The following SPEG variants were observed in gnomAD, a reference collection of about 807,000 sequenced individuals.
SPEG encodes striated muscle preferentially expressed protein kinase.
In SPEG, 114 loss-of-function variants were observed where a neutral mutation model predicts 300.4. That is an observed-to-expected ratio of 0.38 (90% CI 0.33 to 0.44). The LOEUF is 0.44. Among genes scored for constraint, SPEG ranks in the 20% least tolerant of loss-of-function variants. SPEG has a pLI of 1.00. For synonymous variants in SPEG, 1,964 were observed against 2,018.9 expected (o/e 0.97, Z 0.73); for missense variants, 4,201 against 4,586.2 (o/e 0.92, Z 2.43).
At position 219,456,546 on chromosome 2, in the gene SPEG, T is replaced by C. The variant is rs116050799; in HGVS notation, c.2440+4739T>C. ...CATCACTCACAGCCTGTCAGAAGAA[T>C]TGAGAGCTCATTTACTGTTGTTGCA... On this transcript the variant is annotated intron_variant, in intron 6 of 40. Coordinates refer to ENST00000312358, the MANE Select transcript of SPEG (RefSeq NM_005876.5). Among the ~76,000 whole-genome samples the C allele has an allele frequency of 4.0e-3, 602 of 152,338 alleles. 5 individuals are homozygous for C. Among genetic ancestry groups the C allele is most frequent in the African/African-American group, 0.013 (559 of 41,582 alleles).
In SPEG at chr2:219,478,122, TG is replaced by T; in HGVS notation, c.5027+22del. 1 of 1,609,264 alleles carries T rather than the reference TG, an allele frequency of 6.2e-7. No individual in the cohort carries two copies. Among genetic ancestry groups the T allele is most frequent in the Non-Finnish European group, 8.5e-7 (1 of 1,175,892 alleles). ...CACCGAGCTGTATCCTGGGACAGGC[TG>T]GGGGCTAGGGGGATCCATGCCTAAA... is the stretch of plus-strand genomic sequence containing the variant. On this transcript the variant is annotated intron_variant, in intron 22 of 40. Transcript: ENST00000312358.
At position 219,464,917 on chromosome 2, in the gene SPEG, AC is replaced by A. The variant is rs1254614661; in HGVS notation, c.2881+310del. On this transcript the variant is annotated intron_variant, in intron 9 of 40. Transcript: ENST00000312358. The surrounding 1 kb of genome is among the most constrained non-coding windows in gnomAD (Gnocchi z 4.5). Reference sequence around the variant, plus strand: ...CTGCCACTGGCCAAGCTCTCTCTACACTCTTCTGAGCCTTTGTCACCCTGCT... The same window carrying A: ...CTGCCACTGGCCAAGCTCTCTCTACATCTTCTGAGCCTTTGTCACCCTGCT... 6 of 343,664 alleles carry A rather than the reference AC, an allele frequency of 1.7e-5. No individual in the cohort carries two copies. The highest frequency in any genetic ancestry group is 3.2e-5 in the Non-Finnish European group (6 of 185,796). The allele number at this position is 343,664 out of a possible 1,614,324, so 21.3% of individuals were successfully genotyped here.
rs1689640015 is a variant in SPEG at position 219,450,217 on chromosome 2, C to T, written c.2114-919C>T. ...GGACACCATTATTGCAAACACACAA[C>T]TATGTGCCAGCATTGTGTTAACTAG... On this transcript the variant is annotated intron_variant, in intron 4 of 40. Transcript: ENST00000312358. 2.0e-5 allele frequency among the ~76,000 whole-genome samples: 3 copies of T among 152,242 alleles called. 1 individual carries two copies. In the South Asian group the frequency reaches 6.2e-4, roughly 31 times the overall value.
chr2:219,474,995 G>A (rs1692214950), intron 18 of SPEG, among the ~76,000 whole-genome samples: 1 of 152,060 alleles, frequency 6.6e-6, no homozygotes, highest in Non-Finnish European at 1.5e-5. Context: ...ATGTTGGCCA[G>A]GCTGGTCTGG....
At position 219,468,995 on chromosome 2, in the gene SPEG, C is replaced by T; in HGVS notation, c.3438C>T (p.His1146=). The stretch of plus-strand genomic sequence containing the variant: ...CTGTTAACACCCATGGCCAGGCCCA[C>T]TGCTCAGCCCAGCTGTATGTAGAAG... The part of the protein sequence containing the change: ...VSAVNTHGQA[H]CSAQLYVEEP... The change falls in exon 12 of 41, where the codon CAC becomes CAT. Residue 1146 remains histidine (H), a synonymous_variant. Transcript: ENST00000312358. 1.9e-6 allele frequency: 3 copies of T among 1,613,954 alleles called. No individual in the cohort carries two copies. The highest frequency in any genetic ancestry group is 2.2e-5 in the South Asian group (2 of 91,090).
chr2:219,435,348 C>T lies in SPEG; in HGVS notation c.371C>T (p.Thr124Ile), dbSNP rs539344492. 2.6e-6 allele frequency: 4 copies of T among 1,538,876 alleles called. No homozygotes were observed. The South Asian group carries it at 4.7e-5, about 18-fold the overall frequency. ...RGRASCEAVL[T>I]VLEVGDSETA... ...CGGGCCTCCTGCGAGGCGGTGCTCA[C>T]AGTGCTGGAGGTCGGAGGTAAAGGG... Residue 124 changes from threonine (T) to isoleucine (I), a missense_variant, in exon 1 of 41, where the codon ACA becomes ATA. Transcript: ENST00000312358.
Position 219,449,254 on chromosome 2 carries a change from C to A in SPEG, c.2096C>A (p.Pro699His). The change falls in exon 4 of 41, where the codon CCC (proline) becomes CAC (histidine). Residue 699 changes from proline (P) to histidine (H), a missense_variant. Physicochemically the swap from Pro to His is moderately conservative, Grantham distance 77 (BLOSUM62 -2). Transcript: ENST00000312358. ...CAGGGCAAAGGTCGCCGGGCCCGGC[C>A]CACCTCCCCTGAGCTCGGTAAGGCC... Reference protein sequence around the residue: ...RSQGKGRRARPTSPELESSDD... With the variant: ...RSQGKGRRARHTSPELESSDD... 1 of 1,390,874 alleles carries A rather than the reference C, an allele frequency of 7.2e-7. No homozygotes were observed. Among genetic ancestry groups the A allele is most frequent in the Non-Finnish European group, 9.3e-7 (1 of 1,073,764 alleles). 86.2% of individuals were successfully genotyped at this position (1,390,874 alleles called of 1,614,324 possible).
In SPEG at chr2:219,485,063, G is replaced by A; in HGVS notation, c.7600G>A (p.Gly2534Ser). 1 of 1,532,514 alleles carries A rather than the reference G, an allele frequency of 6.5e-7. No homozygotes were observed. Among genetic ancestry groups the A allele is most frequent in the Non-Finnish European group, 8.7e-7 (1 of 1,146,022 alleles). The allele number at this position is 1,532,514 out of a possible 1,614,324, so 94.9% of individuals were successfully genotyped here. Residue 2534 changes from glycine (G) to serine (S), a missense_variant, in exon 30 of 41, where the codon GGC becomes AGC. Physicochemically the swap from Gly to Ser is moderately conservative, Grantham distance 56. This residue lies in a region of SPEG where 1,578 missense variants were observed against 1,506.0 expected (regional missense o/e 1.05). Coordinates refer to ENST00000312358, the MANE Select transcript of SPEG (RefSeq NM_005876.5). Reference sequence around the variant, plus strand: ...GGGCTCCGAGGCCAGCGCCACGTCGGGCTCCTCAGGTGAGGAGGGGCAGGG... The same window carrying A: ...GGGCTCCGAGGCCAGCGCCACGTCGAGCTCCTCAGGTGAGGAGGGGCAGGG... ...SLGSEASATS[G>S]SSAPGESRSR...
intron 31 of SPEG, among the ~76,000 whole-genome samples, chr2:219,486,599 G>A (rs1052246708): frequency 6.6e-6 from 1 of 152,158 alleles, no homozygotes; most frequent in Non-Finnish European, 1.5e-5. Context: ...CCCACCTGGG[G>A]CCTCCCTCCC....
chr2:219,466,733 G>A (rs1691395774), intron 9 of SPEG: 2 of 1,004,284 alleles, frequency 2.0e-6, no homozygotes. Context: ...CAGGGCTGGG[G>A]TGCTCTGTCT....
intron 18 of SPEG, among the ~76,000 whole-genome samples, chr2:219,476,248 T>C (rs1327218275): frequency 1.3e-5 from 2 of 152,242 alleles, no homozygotes; most frequent in African/African-American, 4.8e-5. Context: ...TGTTTGTTCA[T>C]CTTGCCATCT....
intron 9 of SPEG, 138 bp from the exon 10 acceptor site, chr2:219,467,036 G>A: frequency 1.6e-6 from 2 of 1,219,056 alleles, no homozygotes; most frequent in Non-Finnish European, 2.2e-6. Context: ...CCAGGTGGGT[G>A]GGCTTTCCCC....
At chr2:219,491,178 G>C (rs1437836686) in intron 38 of SPEG, among the ~76,000 whole-genome samples, 1 of 152,242 alleles carries the variant, frequency 6.6e-6, no homozygotes, top group Non-Finnish European at 1.5e-5. Flanking sequence ...TGATGTTAGG[G>C]ATTTGTGCAA....
At chr2:219,450,143 C>T (rs1410770685) in intron 4 of SPEG, among the ~76,000 whole-genome samples, 1 of 152,206 alleles carries the variant, frequency 6.6e-6, no homozygotes, top group Non-Finnish European at 1.5e-5. Flanking sequence ...TTAAGTATTA[C>T]CACCTTAGAA....
In SPEG at chr2:219,481,273, C is replaced by A. The variant is rs1458039810; in HGVS notation, c.5370-31C>A. ...TGACATTCCCCTTTGTCCCCGCCTG[C>A]CCCTCATGACAGCCCTCTTCACCCC... On this transcript the variant is annotated intron_variant, in intron 26 of 40. Transcript: ENST00000312358. This position sits in a 1 kb window ranked among gnomAD's most constrained non-coding sequence, Gnocchi z 5.4. 3 of 1,609,014 alleles carry A rather than the reference C, an allele frequency of 1.9e-6. No individual in the cohort carries two copies. Among genetic ancestry groups the A allele is most frequent in the African/African-American group, 2.7e-5 (2 of 74,882 alleles).
At chr2:219,482,914 C>T (rs1692990797) in intron 29 of SPEG, 62 bp downstream of exon 29, 1 of 1,543,306 alleles carries the variant, frequency 6.5e-7, no homozygotes, top group Non-Finnish European at 8.9e-7. Flanking sequence ...CACTGCCTTC[C>T]CCCTCCCGTG....
At chr2:219,471,600 T>G (rs1177185395) in intron 13 of SPEG, 3 of 494,458 alleles carry the variant, frequency 6.1e-6, no homozygotes, top group Non-Finnish European at 1.1e-5. Flanking sequence ...GAAGAGAAGA[T>G]GATAAGTTGC....
chr2:219,451,858 C>T lies in SPEG; in HGVS notation c.2440+51C>T, dbSNP rs1392261734. ...TGGGTGGGGGCAAGCCGTGACTCTC[C>T]CCTGGCCCAGGCCCCAGTCCACCTC... On this transcript the variant is annotated intron_variant, in intron 6 of 40. Coordinates refer to ENST00000312358, the MANE Select transcript of SPEG (RefSeq NM_005876.5). The surrounding 1 kb of genome is among the most constrained non-coding windows in gnomAD (Gnocchi z 6.4). The T allele has an allele frequency of 6.8e-7, 1 of 1,461,956 alleles. No individual in the cohort carries two copies. The highest frequency in any genetic ancestry group is 1.4e-5 in the South Asian group (1 of 72,594). The allele number at this position is 1,461,956 out of a possible 1,614,324, so 90.6% of individuals were successfully genotyped here. A position where few individuals can be genotyped will look rare whatever the true frequency, so the allele number is the denominator to read the frequency against.
Position 219,435,338 on chromosome 2 carries a change from G to C in SPEG, c.361G>C (p.Ala121Pro). ...CGAGCGGGGCCGGGCCTCCTGCGAG[G>C]CGGTGCTCACAGTGCTGGAGGTCGG... ...QNERGRASCEAVLTVLEVGDS... is the reference protein window; with the variant it reads ...QNERGRASCEPVLTVLEVGDS... Residue 121 changes from alanine to proline, a missense_variant, in exon 1 of 41, where the codon GCG (alanine) becomes CCG (proline). Transcript: ENST00000312358. 3 of 1,539,204 alleles carry C rather than the reference G, an allele frequency of 1.9e-6. No homozygotes were observed. The highest frequency in any genetic ancestry group is 2.6e-6 in the Non-Finnish European group (3 of 1,150,032).
Sources: allele counts gnomAD v4.1 joint callset (sites outside exome capture counted in the v4.1 genomes callset), GRCh38; gene constraint gnomAD v4.1.1; regional missense constraint gnomAD v4.1.1; non-coding constraint Gnocchi (gnomAD v3.1); transcripts MANE v1.5; gene names NCBI Gene and HGNC (gene_info 2026-07-23, HGNC 2026-07-21).